Variants in FRMPD1 observed in about 807,000 individuals in gnomAD.
FRMPD1 encodes the protein FERM and PDZ domain-containing protein 1.
FRMPD1 carries 76 observed loss-of-function variants against 117.8 expected under a neutral mutation model. That is an observed-to-expected ratio of 0.65 (90% confidence interval 0.54 to 0.78). The LOEUF (loss-of-function observed/expected upper bound fraction) is 0.78. Among genes scored for constraint, FRMPD1 ranks in the 30% least tolerant of loss-of-function variants. The pLI is 0.00. For synonymous variants in FRMPD1, 783 were observed against 770.4 expected (o/e 1.02, Z -0.27); for missense variants, 1,786 against 1,964.5 (o/e 0.91, Z 1.72).
At chr9:37,649,210 T>A (rs1332075532), upstream of FRMPD1, among the ~76,000 whole-genome samples, 2 of 152,250 alleles carry the variant, frequency 1.3e-5, no homozygotes, top group African/African-American at 4.8e-5. Context: ...AGAGAGTAAT[T>A]TGATGATTAA....
At chr9:37,664,213 A>T (rs1821085940) in intron 1 of FRMPD1, among the ~76,000 whole-genome samples, 1 of 151,338 alleles carries the variant, frequency 6.6e-6, no homozygotes, top group Non-Finnish European at 1.5e-5. Context: ...GAGCAGGGAG[A>T]CCACTGGGCT....
In FRMPD1 at chr9:37,740,594, T is replaced by G; in HGVS notation, c.2066T>G (p.Leu689Arg). The G allele has an allele frequency of 6.2e-7, 1 of 1,614,204 alleles. No individual in the cohort carries two copies. The highest frequency in any genetic ancestry group is 1.3e-5 in the African/African-American group (1 of 75,054). The change falls in exon 15 of 16, where the codon CTG becomes CGG. Residue 689 changes from leucine to arginine, a missense_variant. Coordinates refer to ENST00000377765, the MANE Select transcript of FRMPD1 (RefSeq NM_014907.3). This position sits in a 1 kb window ranked among gnomAD's most constrained non-coding sequence, Gnocchi z 4.2. ...ALETFGWAPE[L>R]STVRLDPRLY... The stretch of plus-strand genomic sequence containing the variant: ...GAGACATTTGGCTGGGCACCAGAAC[T>G]GAGCACAGTCAGGCTGGACCCCAGG...
chr9:37,617,282 T>C, the FRMPD1 span, among the ~76,000 whole-genome samples: 4 of 152,238 alleles, frequency 2.6e-5, no homozygotes, highest in African/African-American at 9.6e-5. Context: ...AGGCCTCTTC[T>C]GTCCTCCAGT....
At chr9:37,661,280 T>G (rs1820995557) in intron 1 of FRMPD1, among the ~76,000 whole-genome samples, 1 of 152,176 alleles carries the variant, frequency 6.6e-6, no homozygotes, top group African/African-American at 2.4e-5. Context: ...CCCAGGCCTT[T>G]GACTTCATCA....
chr9:37,607,343 C>T, the FRMPD1 span, among the ~76,000 whole-genome samples: 3 of 151,890 alleles, frequency 2.0e-5, no homozygotes, highest in African/African-American at 2.4e-5. Context: ...CAAAAGAATC[C>T]GGGGAAAGGA....
At chr9:37,639,626 T>C in the FRMPD1 span, among the ~76,000 whole-genome samples, 3 of 152,206 alleles carry the variant, frequency 2.0e-5, no homozygotes, top group Non-Finnish European at 2.9e-5. Context: ...ACTAGCATTT[T>C]ATGAGCACTT....
At chr9:37,665,489 T>TCCTAA (rs1821133828) in intron 1 of FRMPD1, among the ~76,000 whole-genome samples, 1 of 152,200 alleles carries the variant, frequency 6.6e-6, no homozygotes, top group African/African-American at 2.4e-5. Flanking sequence ...GGTCCATTTG[T>TCCTAA]GTGAGTATAT....
intron 1 of FRMPD1, among the ~76,000 whole-genome samples, chr9:37,678,578 C>T: frequency 6.7e-6 from 1 of 149,594 alleles, no homozygotes; most frequent in Non-Finnish European, 1.5e-5. Flanking sequence ...CACTTTCTAA[C>T]AGTCTTAATT....
At chr9:37,623,216 GCTGTGTCCTGT>G in the FRMPD1 span, among the ~76,000 whole-genome samples, 1 of 152,210 alleles carries the variant, frequency 6.6e-6, no homozygotes, top group African/African-American at 2.4e-5. Context: ...ACCACTCTAT[GCTGTGTCCTGT>G]TCTCATTGCT....
chr9:37,707,514 A>G lies in FRMPD1; in HGVS notation c.200A>G (p.Gln67Arg). ...AAGATAGACAAAGACACCCTCCTCC[A>G]GGACTATGGATTTCACATTTCTGAG... ...TVKIDKDTLL[Q>R]DYGFHISESL... Residue 67 changes from glutamine (Q) to arginine (R), a missense_variant, in exon 3 of 16, where the codon CAG becomes CGG. Physicochemically the swap from Gln to Arg is conservative, Grantham distance 43. Transcript: ENST00000377765. The G allele has an allele frequency of 6.2e-7, 1 of 1,614,016 alleles. No homozygotes were observed. The highest frequency in any genetic ancestry group is 8.5e-7 in the Non-Finnish European group (1 of 1,179,862).
At chr9:37,665,576 A>G (rs62534457) in intron 1 of FRMPD1, among the ~76,000 whole-genome samples, 17,461 of 151,806 alleles carry the variant, frequency 0.12, 1,096 homozygotes, top group Middle Eastern at 0.18. Context: ...TATTTTTTCC[A>G]CTCCATTTGT....
At chr9:37,698,325 T>C (rs1822400046) in intron 2 of FRMPD1, among the ~76,000 whole-genome samples, 1 of 152,138 alleles carries the variant, frequency 6.6e-6, no homozygotes. Context: ...TTTTTCCAAA[T>C]TAGTAAGTAG....
intron 15 of FRMPD1, among the ~76,000 whole-genome samples, chr9:37,743,063 T>C (rs1824496306): frequency 1.3e-5 from 2 of 152,208 alleles, no homozygotes; most frequent in South Asian, 4.1e-4. Flanking sequence ...AGCTCTCTGA[T>C]TCTCAAGTGC....
chr9:37,685,228 G>A (rs982281589), intron 1 of FRMPD1, among the ~76,000 whole-genome samples: 17 of 152,142 alleles, frequency 1.1e-4, no homozygotes, highest in African/African-American at 3.9e-4. Context: ...AAGTTTTAAG[G>A]ATGATTCTTT....
chr9:37,680,010 T>G (rs895202285), intron 1 of FRMPD1, among the ~76,000 whole-genome samples: 1 of 152,182 alleles, frequency 6.6e-6, no homozygotes, highest in African/African-American at 2.4e-5. Context: ...AGGGATACTG[T>G]TTATCTGGTA....
chr9:37,675,238 C>G (rs1227542640), intron 1 of FRMPD1, among the ~76,000 whole-genome samples: 2 of 151,958 alleles, frequency 1.3e-5, no homozygotes, highest in African/African-American at 4.8e-5. Flanking sequence ...GCTTGGCCAA[C>G]ATGGTGAAAC....
chr9:37,613,278 G>A, the FRMPD1 span, among the ~76,000 whole-genome samples: 1 of 152,152 alleles, frequency 6.6e-6, no homozygotes, highest in African/African-American at 2.4e-5. Flanking sequence ...TACTATGTAT[G>A]TGACAGGCAT....
the FRMPD1 span, among the ~76,000 whole-genome samples, chr9:37,603,496 C>T: frequency 3.9e-5 from 6 of 152,116 alleles, no homozygotes; most frequent in African/African-American, 1.2e-4. Flanking sequence ...ATAGTTCGAC[C>T]GCTGTGTCTT....
At chr9:37,614,780 T>C in the FRMPD1 span, among the ~76,000 whole-genome samples, 3 of 152,194 alleles carry the variant, frequency 2.0e-5, no homozygotes, top group Non-Finnish European at 4.4e-5. Flanking sequence ...GTAGGCCAAA[T>C]GAGAAGTCAT....
Sources: gnomAD v4.1 joint callset for allele counts (sites outside exome capture counted in the v4.1 genomes callset) on GRCh38, gnomAD v4.1.1 for gene constraint, Gnocchi (gnomAD v3.1) non-coding constraint, MANE v1.5 for transcripts, NCBI Gene and HGNC (gene_info 2026-07-23, HGNC 2026-07-21) for gene names.